Variants in PRKCA observed in about 807,000 individuals in gnomAD.
The protein encoded by PRKCA is protein kinase C alpha type.
In PRKCA, 27 loss-of-function variants were observed where a neutral mutation model predicts 87.0. That is an observed-to-expected ratio of 0.31 (90% CI 0.23 to 0.43). The LOEUF is 0.43. Ranked by LOEUF, PRKCA falls within the 20% of genes least tolerant of loss-of-function variation. The pLI is 1.00. For synonymous variants in PRKCA, 329 were observed against 311.1 expected (o/e 1.06, Z -0.61); for missense variants, 518 against 852.3 (o/e 0.61, Z 4.88).
At chr17:66,741,562 C>A in intron 11 of PRKCA, 97 bp from the exon 12 acceptor site, 1 of 1,351,744 alleles carries the variant, frequency 7.4e-7, no homozygotes, top group Non-Finnish European at 1.0e-6. Flanking sequence ...CTGGGTCTGA[C>A]ATTCTTTTCT....
At chr17:66,636,211 G>A (rs1971147837) in intron 3 of PRKCA, among the ~76,000 whole-genome samples, 1 of 152,172 alleles carries the variant, frequency 6.6e-6, no homozygotes, top group Non-Finnish European at 1.5e-5. Context: ...TTTTTAGGAC[G>A]AGTTGCTCTC....
At chr17:66,646,308 C>T (rs1414014030) in intron 5 of PRKCA, among the ~76,000 whole-genome samples, 3 of 152,128 alleles carry the variant, frequency 2.0e-5, no homozygotes, top group East Asian at 1.9e-4. Context: ...AATCCACTTT[C>T]GGTTCATCGG....
At chr17:66,744,503 C>T (rs965760474) in intron 13 of PRKCA, among the ~76,000 whole-genome samples, 4 of 152,156 alleles carry the variant, frequency 2.6e-5, no homozygotes, top group African/African-American at 9.7e-5. Context: ...AAGACCAGGT[C>T]TCTCCTGTTC....
At position 66,302,781 on chromosome 17, in the gene PRKCA, G is replaced by C; in HGVS notation, c.-71G>C. ...CGCCCCGAGCCCGCACCTCTCCCCC[G>C]CCGCCCCCGCCCACCCGGCCCTCCG... On this transcript the variant is annotated 5_prime_UTR_variant, in exon 1 of 17. Coordinates refer to ENST00000413366, the MANE Select transcript of PRKCA (RefSeq NM_002737.3). The C allele has an allele frequency of 1.5e-6, 2 of 1,333,752 alleles. No individual in the cohort carries two copies. The highest frequency in any genetic ancestry group is 2.0e-6 in the Non-Finnish European group (2 of 1,021,948). 82.6% of individuals were successfully genotyped at this position (1,333,752 alleles called of 1,614,324 possible).
chr17:66,446,744 C>A (rs915057395), intron 2 of PRKCA, among the ~76,000 whole-genome samples: 5 of 152,124 alleles, frequency 3.3e-5, no homozygotes, highest in African/African-American at 1.2e-4. Flanking sequence ...ACCCCGGTAG[C>A]CTCTAGAACT....
intron 9 of PRKCA, among the ~76,000 whole-genome samples, chr17:66,734,648 ACCT>A (rs1973981337): frequency 6.6e-6 from 1 of 151,174 alleles, no homozygotes; most frequent in Non-Finnish European, 1.5e-5. Flanking sequence ...AGCCCTGCTG[ACCT>A]CCTATCTCAT....
intron 4 of PRKCA, 70 bp from the exon 5 acceptor site, chr17:66,645,313 C>A: frequency 6.2e-7 from 1 of 1,603,602 alleles, no homozygotes; most frequent in Non-Finnish European, 8.5e-7. Flanking sequence ...TGTGCTCATG[C>A]ACCAAAACAC....
intron 3 of PRKCA, among the ~76,000 whole-genome samples, chr17:66,635,686 A>G (rs1484012236): frequency 6.6e-6 from 1 of 152,234 alleles, no homozygotes; most frequent in Non-Finnish European, 1.5e-5. Context: ...TCACCAGCCA[A>G]TACTACTGTA....
At chr17:66,388,610 T>C (rs1418642304) in intron 2 of PRKCA, among the ~76,000 whole-genome samples, 3 of 152,218 alleles carry the variant, frequency 2.0e-5, no homozygotes, top group African/African-American at 7.2e-5. Context: ...TTAGCTCTTA[T>C]TGGCCATAGT....
At position 66,589,140 on chromosome 17, in the gene PRKCA, CTT is replaced by C. The variant is rs544594806; in HGVS notation, c.289-52214_289-52213del. ...TTAAGTTCTTATGACCCATAAAAGA[CTT>C]AGACTAGCTTCTTGACACCTACCAG... On this transcript the variant is annotated intron_variant, in intron 3 of 16. Transcript: ENST00000413366. 2.5e-3 allele frequency among the ~76,000 whole-genome samples: 381 copies of C among 152,222 alleles called. 3 individuals are homozygous for C. The highest frequency in any genetic ancestry group is 1.2e-3 in the Non-Finnish European group (81 of 68,012).
chr17:66,482,386 T>G (rs1372104914), intron 2 of PRKCA, among the ~76,000 whole-genome samples: 1 of 152,216 alleles, frequency 6.6e-6, no homozygotes, highest in African/African-American at 2.4e-5. Context: ...CCCCTTCCAG[T>G]GCCCACCTAG....
chr17:66,415,322 TA>T (rs1567817255), intron 2 of PRKCA: 1 of 152,176 alleles, frequency 6.6e-6, no homozygotes, highest in Non-Finnish European at 1.5e-5. Flanking sequence ...GTGAACAGCT[TA>T]TATCAAATTA....
intron 2 of PRKCA, among the ~76,000 whole-genome samples, chr17:66,369,527 A>T (rs1908968858): frequency 6.6e-6 from 1 of 152,116 alleles, no homozygotes; most frequent in South Asian, 2.1e-4. Flanking sequence ...TGGTGCTGGG[A>T]TGGATTAATA....
At chr17:66,683,607 G>A (rs1490851827) in intron 5 of PRKCA, among the ~76,000 whole-genome samples, 1 of 151,954 alleles carries the variant, frequency 6.6e-6, no homozygotes, top group Non-Finnish European at 1.5e-5. Flanking sequence ...TCTTTTTTTG[G>A]GGGGGTCGGG....
chr17:66,771,826 C>G (rs1974940472), intron 13 of PRKCA, among the ~76,000 whole-genome samples: 1 of 152,024 alleles, frequency 6.6e-6, no homozygotes, highest in Non-Finnish European at 1.5e-5. Flanking sequence ...CATCTCTTGA[C>G]CCTCATGATC....
chr17:66,508,731 A>G (rs983828338), intron 3 of PRKCA, among the ~76,000 whole-genome samples: 1 of 152,038 alleles, frequency 6.6e-6, no homozygotes, highest in African/African-American at 2.4e-5. Context: ...CTCCATCTCC[A>G]TAGCCACTGT....
intron 3 of PRKCA, among the ~76,000 whole-genome samples, chr17:66,555,494 A>G (rs1186727937): frequency 2.6e-5 from 4 of 152,218 alleles, no homozygotes; most frequent in Non-Finnish European, 2.9e-5. Flanking sequence ...ACCTTTGAAC[A>G]GAGAAGCAGG....
chr17:66,514,311 A>C (rs1966891457), intron 3 of PRKCA, among the ~76,000 whole-genome samples: 1 of 152,170 alleles, frequency 6.6e-6, no homozygotes, highest in Non-Finnish European at 1.5e-5. Flanking sequence ...ATTCTCTTGA[A>C]ATATGACAGA....
At chr17:66,747,106 C>T (rs2144251408) in intron 13 of PRKCA, among the ~76,000 whole-genome samples, 1 of 152,320 alleles carries the variant, frequency 6.6e-6, no homozygotes, top group East Asian at 1.9e-4. Flanking sequence ...GAGTTTCGCT[C>T]TGTCGTCCAG....
Sources: allele counts gnomAD v4.1 joint callset (sites outside exome capture counted in the v4.1 genomes callset), GRCh38; gene constraint gnomAD v4.1.1; transcripts MANE v1.5; gene names NCBI Gene and HGNC (gene_info 2026-07-23, HGNC 2026-07-21).